The following MSH3 variants were observed in gnomAD, a reference collection of about 807,000 sequenced individuals.
The protein encoded by MSH3 is DNA mismatch repair protein Msh3.
MSH3 carries 106 observed loss-of-function variants against 123.3 expected under a neutral mutation model. That is an observed-to-expected ratio of 0.86 (90% CI 0.73 to 1.01). The LOEUF (loss-of-function observed/expected upper bound fraction) is 1.01. Among genes scored for constraint, MSH3 ranks in the 50% least tolerant of loss-of-function variants. The pLI, the probability that MSH3 is intolerant of heterozygous loss-of-function variation, is 0.00. For missense variants in MSH3, 1,459 were observed against 1,347.6 expected (o/e 1.08, Z -1.29); for synonymous variants, 515 against 481.4 (o/e 1.07, Z -0.91).
rs1400026609 is a variant in MSH3, at chr5:80,784,237, AAAG to A, written c.2436-3327_2436-3325del. On this transcript the variant is annotated intron_variant, in intron 17 of 23. Coordinates refer to ENST00000265081, the MANE Select transcript of MSH3 (RefSeq NM_002439.5). ...CAAAAAAAAAAAAAAAAAAAAAAAA[AAAG>A]GGAAATAAATAAATAAATAAATAAA... Among the ~76,000 whole-genome samples the A allele has an allele frequency of 2.5e-4, 32 of 128,750 alleles. 7 individuals carry two copies. Among genetic ancestry groups the A allele is most frequent in the East Asian group, 8.1e-4 (4 of 4,940 alleles). 84.5% of individuals were successfully genotyped at this position (128,750 alleles called of 152,430 possible).
At chr5:80,853,121 A>G (rs1298216526) in intron 20 of MSH3, among the ~76,000 whole-genome samples, 1 of 152,154 alleles carries the variant, frequency 6.6e-6, no homozygotes, top group Non-Finnish European at 1.5e-5. Flanking sequence ...TCTGGAAGAC[A>G]TTTCAGGGAC....
chr5:80,672,912 C>A (rs1264367206), intron 6 of MSH3, 54 bp downstream of exon 6: 1 of 1,384,718 alleles, frequency 7.2e-7, no homozygotes, highest in Non-Finnish European at 1.0e-6. Flanking sequence ...GCTTTGTTGG[C>A]AGGTTTTGTT....
In MSH3 at chr5:80,698,132, G is replaced by A. The variant is rs148705338; in HGVS notation, c.1340+19039G>A. 3.9e-3 allele frequency among the ~76,000 whole-genome samples: 586 copies of A among 152,118 alleles called. 4 individuals are homozygous for A. Among genetic ancestry groups the A allele is most frequent in the African/African-American group, 0.013 (547 of 41,520 alleles). ...TTCTATACTGGTTTTAAACTCCTGG[G>A]CTCAAGCAATCCACCCACCTTGGCC... On this transcript the variant is annotated intron_variant, in intron 8 of 23. Coordinates refer to ENST00000265081, the MANE Select transcript of MSH3 (RefSeq NM_002439.5).
chr5:80,772,374 T>C (rs1744227545), intron 15 of MSH3, among the ~76,000 whole-genome samples: 3 of 152,248 alleles, frequency 2.0e-5, no homozygotes, highest in Admixed American at 6.5e-5. Flanking sequence ...ATTGGAGGAA[T>C]GGGTTAAGTG....
chr5:80,838,172 G>A (rs141177411), intron 20 of MSH3, among the ~76,000 whole-genome samples: 125 of 152,314 alleles, frequency 8.2e-4, no homozygotes, highest in African/African-American at 2.7e-3. Flanking sequence ...CACAATAAGA[G>A]GAGGAAATTA....
intron 17 of MSH3, among the ~76,000 whole-genome samples, chr5:80,785,752 G>C (rs201938078): frequency 1.3e-4 from 19 of 151,810 alleles, no homozygotes; most frequent in Admixed American, 2.6e-4. Flanking sequence ...AAATGTCCAA[G>C]AATGATAGAC....
intron 8 of MSH3, among the ~76,000 whole-genome samples, chr5:80,690,287 T>C (rs1397790618): frequency 2.0e-5 from 3 of 151,940 alleles, no homozygotes; most frequent in African/African-American, 4.8e-5. Flanking sequence ...TGGGTACCAG[T>C]GTACCAGTTC....
At chr5:80,729,566 G>A (rs558980971) in intron 10 of MSH3, among the ~76,000 whole-genome samples, 98 of 151,280 alleles carry the variant, frequency 6.5e-4, no homozygotes, top group Admixed American at 1.4e-3. Context: ...ATACTAACTG[G>A]ACCCAGAAAT....
intron 8 of MSH3, among the ~76,000 whole-genome samples, chr5:80,689,891 A>C (rs1750189251): frequency 6.6e-6 from 1 of 152,062 alleles, no homozygotes; most frequent in Non-Finnish European, 1.5e-5. Context: ...CCTTTCCTGC[A>C]TGATTTTTTT....
intron 7 of MSH3, among the ~76,000 whole-genome samples, chr5:80,676,033 T>A (rs1187331290): frequency 6.6e-6 from 1 of 152,204 alleles, no homozygotes; most frequent in African/African-American, 2.4e-5. Flanking sequence ...TATAGTTTTA[T>A]TTATTTATTT....
At chr5:80,722,871 G>A (rs1488668030) in intron 8 of MSH3, among the ~76,000 whole-genome samples, 1 of 152,136 alleles carries the variant, frequency 6.6e-6, no homozygotes, top group East Asian at 1.9e-4. Context: ...TTGGGAGGCC[G>A]AGGTGGGCAG....
intron 23 of MSH3, 141 bp downstream of exon 23, chr5:80,873,428 A>T: frequency 1.2e-6 from 1 of 803,468 alleles, no homozygotes; most frequent in Non-Finnish European, 2.0e-6. Flanking sequence ...AATTATGATG[A>T]AGTGAAAACA....
chr5:80,729,160 A>G (rs1286194532), intron 10 of MSH3, among the ~76,000 whole-genome samples, 195 bp downstream of exon 10: 1 of 152,114 alleles, frequency 6.6e-6, no homozygotes, highest in Non-Finnish European at 1.5e-5. Context: ...TCATGCCTGT[A>G]ATCCCAGCAC....
At chr5:80,867,908 A>C (rs917069366) in intron 22 of MSH3, among the ~76,000 whole-genome samples, 3 of 152,078 alleles carry the variant, frequency 2.0e-5, no homozygotes, top group Non-Finnish European at 2.9e-5. Flanking sequence ...TTTGCTGTGC[A>C]AAAGCTTTAT....
At chr5:80,696,747 A>G (rs1028794823) in intron 8 of MSH3, among the ~76,000 whole-genome samples, 8 of 152,256 alleles carry the variant, frequency 5.3e-5, no homozygotes, top group African/African-American at 1.4e-4. Context: ...TCAAGATCTT[A>G]TTTTAGAGAT....
At chr5:80,787,134 T>G (rs574109518) in intron 17 of MSH3, among the ~76,000 whole-genome samples, 80 of 152,276 alleles carry the variant, frequency 5.3e-4, no homozygotes, top group African/African-American at 1.8e-3. Context: ...TCCAGTTTAG[T>G]GTGAGAGAAA....
intron 19 of MSH3, among the ~76,000 whole-genome samples, chr5:80,793,954 C>A (rs1481698625): frequency 6.6e-6 from 1 of 152,044 alleles, no homozygotes; most frequent in Non-Finnish European, 1.5e-5. Flanking sequence ...CTGAACTTGA[C>A]TTCATTTTGG....
At chr5:80,757,646 G>A (rs1339525346) in intron 12 of MSH3, among the ~76,000 whole-genome samples, 1 of 152,092 alleles carries the variant, frequency 6.6e-6, no homozygotes, top group African/African-American at 2.4e-5. Context: ...AATTTAAGTT[G>A]TATAGTAAGA....
chr5:80,710,481 G>T (rs1750837062), intron 8 of MSH3, among the ~76,000 whole-genome samples: 1 of 151,936 alleles, frequency 6.6e-6, no homozygotes, highest in South Asian at 2.1e-4. Context: ...TTTCTCTCTG[G>T]TGGTAAAGTT....
Sources: gnomAD v4.1 joint callset for allele counts (sites outside exome capture counted in the v4.1 genomes callset) on GRCh38, gnomAD v4.1.1 for gene constraint, MANE v1.5 for transcripts, NCBI Gene and HGNC (gene_info 2026-07-23, HGNC 2026-07-21) for gene names.